MTMR12: variants seen among roughly 807,000 people sequenced by gnomAD.
MTMR12 encodes myotubularin-related protein 12.
MTMR12 carries 33 observed loss-of-function variants against 96.7 expected under a neutral mutation model. That is an observed-to-expected ratio of 0.34 (90% CI 0.26 to 0.46). The LOEUF is 0.46. Ranked by LOEUF, MTMR12 falls within the 20% of genes least tolerant of loss-of-function variation. MTMR12 has a pLI of 1.00. For synonymous variants in MTMR12, 298 were observed against 327.2 expected (o/e 0.91, Z 0.96); for missense variants, 721 against 896.1 (o/e 0.80, Z 2.49).
At chr5:32,262,056 A>G (rs1749381111) in intron 7 of MTMR12, among the ~76,000 whole-genome samples, 2 of 151,972 alleles carry the variant, frequency 1.3e-5, no homozygotes, top group African/African-American at 4.8e-5. Context: ...TGGGGGACAG[A>G]GAGAGACCCC....
chr5:32,251,846 A>G (rs1393469177), intron 8 of MTMR12, among the ~76,000 whole-genome samples: 2 of 152,202 alleles, frequency 1.3e-5, no homozygotes, highest in African/African-American at 4.8e-5. Flanking sequence ...CAGGAGGCTG[A>G]GTAGAAGGAA....
At chr5:32,264,957 C>T (rs1358241090) in intron 6 of MTMR12, among the ~76,000 whole-genome samples, 1 of 151,782 alleles carries the variant, frequency 6.6e-6, no homozygotes, top group Non-Finnish European at 1.5e-5. Flanking sequence ...TAATCCTGCC[C>T]CTCCAAACCC....
intron 12 of MTMR12, 23 bp from the exon 13 acceptor site, chr5:32,239,196 T>C (rs1284937959): frequency 6.5e-7 from 1 of 1,539,580 alleles, no homozygotes. Flanking sequence ...CCAGCAGCAG[T>C]GCAAAGAGGA....
intron 1 of MTMR12, among the ~76,000 whole-genome samples, chr5:32,286,963 T>A (rs1750563910): frequency 6.6e-6 from 1 of 152,056 alleles, no homozygotes; most frequent in African/African-American, 2.4e-5. Context: ...AGCACCTAAG[T>A]CCTCAGAGAA....
intron 10 of MTMR12, among the ~76,000 whole-genome samples, chr5:32,246,170 G>GGTTTTTTTTTTTGT (rs1554056246): frequency 4.8e-5 from 4 of 82,770 alleles, no homozygotes; most frequent in Non-Finnish European, 8.0e-5. Context: ...TGAGTAGACA[G>GGTTTTTTTTTTTGT]TTTTTTTTTT....
intron 8 of MTMR12, among the ~76,000 whole-genome samples, chr5:32,249,145 A>T (rs574934556): frequency 4.6e-5 from 7 of 152,342 alleles, no homozygotes; most frequent in Non-Finnish European, 8.8e-5. Context: ...AACCCAGATG[A>T]TGACAACAAC....
chr5:32,258,714 A>G (rs1342380841), intron 7 of MTMR12, among the ~76,000 whole-genome samples: 1 of 152,078 alleles, frequency 6.6e-6, no homozygotes, highest in East Asian at 1.9e-4. Context: ...CTGTTTCTCA[A>G]CCTTTTCAGG....
chr5:32,236,107 C>A (rs2111986352), intron 13 of MTMR12, among the ~76,000 whole-genome samples: 1 of 152,260 alleles, frequency 6.6e-6, no homozygotes, highest in South Asian at 2.1e-4. Flanking sequence ...ATTTGAACTG[C>A]AATGTATAGG....
chr5:32,279,076 CAAAAAAAAAAAAAAAAAAAAAAAAA>C (rs35999870), intron 1 of MTMR12, among the ~76,000 whole-genome samples: 6 of 50,520 alleles, frequency 1.2e-4, no homozygotes, highest in East Asian at 4.9e-4. Context: ...AACTCTGTCT[CAAAAAAAAAAAAAAAAAAAAAAAAA>C]AAAAAAAAAA....
At chr5:32,275,981 T>A (rs191380093) in intron 2 of MTMR12, among the ~76,000 whole-genome samples, 248 of 152,308 alleles carry the variant, frequency 1.6e-3, no homozygotes, top group African/African-American at 5.8e-3. Context: ...GAAATGTACC[T>A]TAAAGAACTT....
At chr5:32,302,133 A>G (rs540997927) in intron 1 of MTMR12, among the ~76,000 whole-genome samples, 10 of 152,296 alleles carry the variant, frequency 6.6e-5, no homozygotes, top group African/African-American at 2.2e-4. Flanking sequence ...GAGGTTTTGC[A>G]TGCCACCTCT....
Position 32,271,855 on chromosome 5 carries a change from G to A in MTMR12, c.336C>T (p.His112=). ...TACCTCCATAAATCTGATCAACACAGTGGAGTGTAATGTCATTTTCTCCTA... is the reference window on the plus strand; with the variant it reads ...TACCTCCATAAATCTGATCAACACAATGGAGTGTAATGTCATTTTCTCCTA... ...KVIGENDITL[H]CVDQIYGVFD... Residue 112 remains histidine, a synonymous_variant, in exon 4 of 16, where the codon CAC becomes CAT. Coordinates refer to ENST00000382142, the MANE Select transcript of MTMR12 (RefSeq NM_001040446.3). 1.3e-6 allele frequency: 2 copies of A among 1,587,046 alleles called. No individual in the cohort carries two copies. Among genetic ancestry groups the A allele is most frequent in the South Asian group, 1.1e-5 (1 of 87,758 alleles).
At chr5:32,286,837 C>T (rs1020344740) in intron 1 of MTMR12, among the ~76,000 whole-genome samples, 7 of 152,178 alleles carry the variant, frequency 4.6e-5, no homozygotes, top group Admixed American at 1.3e-4. Context: ...ACCATGCCTC[C>T]TCCTTCTGGG....
intron 5 of MTMR12, among the ~76,000 whole-genome samples, chr5:32,269,728 T>G (rs957755575): frequency 6.6e-6 from 1 of 152,212 alleles, no homozygotes. Context: ...TCCAAAACTC[T>G]GACATGTCAA....
Position 32,228,081 on chromosome 5 carries a change from C to G in MTMR12, c.*1697G>C, listed in dbSNP as rs552759085. ...CACGATCTTAGCTCACTGCAAACTC[C>G]ACCTCCCAGGCTCACGGGATCCTCC... On this transcript the variant is annotated 3_prime_UTR_variant, in exon 16 of 16. Transcript: ENST00000382142. The G allele has an allele frequency of 1.3e-5, 2 of 152,346 alleles. No homozygotes were observed. Among genetic ancestry groups the G allele is most frequent in the South Asian group, 4.1e-4 (2 of 4,824 alleles). The allele number at this position is 152,346 out of a possible 1,614,324, so 9.4% of individuals were successfully genotyped here.
Position 32,277,888 on chromosome 5 carries a change from A to G in MTMR12, c.82-1146T>C, listed in dbSNP as rs757894215. Among the ~76,000 whole-genome samples, 33 of 152,196 alleles carry G rather than the reference A, an allele frequency of 2.2e-4. 1 individual carries two copies. Among genetic ancestry groups the G allele is most frequent in the Non-Finnish European group, 7.3e-5 (5 of 68,034 alleles). The stretch of plus-strand genomic sequence containing the variant: ...AAGTCAGTATTGATCCAGCTAATCT[A>G]CAGCACACCAGGGCTCAGTAAAGAG... On this transcript the variant is annotated intron_variant, in intron 1 of 15. Coordinates refer to ENST00000382142, the MANE Select transcript of MTMR12 (RefSeq NM_001040446.3).
chr5:32,293,072 T>C (rs545688051), intron 1 of MTMR12, among the ~76,000 whole-genome samples: 2 of 152,356 alleles, frequency 1.3e-5, no homozygotes, highest in South Asian at 4.1e-4. Flanking sequence ...ATAGTTGTGT[T>C]ATGTTAGGCG....
rs201832549 is a variant in MTMR12 at position 32,248,846 on chromosome 5, G to T, written c.822C>A (p.Ala274=). 2.4e-5 allele frequency: 38 copies of T among 1,613,894 alleles called. No homozygotes were observed. Among genetic ancestry groups the T allele is most frequent in the Non-Finnish European group, 2.7e-5 (32 of 1,179,964 alleles). The part of the protein sequence containing the change: ...IWCWSCHNGS[A]LLKMSALPKE... ...TGGGCAGTGCTGACATTTTCAAAAG[G>T]GCACTTCCATTGTGGCAGGACCAAC... is the stretch of plus-strand genomic sequence containing the variant. Residue 274 remains alanine, a synonymous_variant, in exon 9 of 16, where the codon GCC becomes GCA. Coordinates refer to ENST00000382142, the MANE Select transcript of MTMR12 (RefSeq NM_001040446.3).
At chr5:32,292,549 C>CT (rs1402065802) in intron 1 of MTMR12, among the ~76,000 whole-genome samples, 1 of 152,180 alleles carries the variant, frequency 6.6e-6, no homozygotes, top group Admixed American at 6.5e-5. Flanking sequence ...GCCGGGGTGA[C>CT]TGACCTGGAC....
Sources: gnomAD v4.1 joint callset for allele counts (sites outside exome capture counted in the v4.1 genomes callset) on GRCh38, gnomAD v4.1.1 for gene constraint, MANE v1.5 for transcripts, NCBI Gene and HGNC (gene_info 2026-07-23, HGNC 2026-07-21) for gene names.